Variants in CNTLN observed in about 807,000 individuals in gnomAD.
CNTLN encodes centlein.
CNTLN carries 212 observed loss-of-function variants against 180.0 expected under a neutral mutation model. The observed-to-expected ratio is 1.18, with a 90% CI of 1.05 to 1.32. The LOEUF (loss-of-function observed/expected upper bound fraction) is 1.32, where lower values mean the gene tolerates loss of function less well. Among genes scored for constraint, CNTLN ranks in the 40% most tolerant of loss-of-function variants. The pLI is 0.00. For missense variants in CNTLN, 2,095 were observed against 1,610.9 expected (o/e 1.30, Z -5.14); for synonymous variants, 722 against 563.1 (o/e 1.28, Z -3.99).
Position 17,369,899 on chromosome 9 carries a change from A to G in CNTLN, c.1987+3182A>G, listed in dbSNP as rs1046584234. On this transcript the variant is annotated intron_variant, in intron 13 of 25. Coordinates refer to ENST00000380647, the MANE Select transcript of CNTLN (RefSeq NM_017738.4). ...CTACTTGGGAGGCTGAGTCAGGGGA[A>G]TCGCTTGACCCCGGGAGGCGGAGGT... 3.3e-5 allele frequency among the ~76,000 whole-genome samples: 5 copies of G among 151,808 alleles called. No individual in the cohort carries two copies. In the South Asian group the frequency reaches 6.3e-4, roughly 19 times the overall value.
chr9:17,401,376 A>AT (rs200584503), intron 15 of CNTLN, among the ~76,000 whole-genome samples: 5,726 of 146,922 alleles, frequency 0.039, 163 homozygotes, highest in East Asian at 0.17. Flanking sequence ...CCATATAGAG[A>AT]TTTTTTTTTT....
At chr9:17,432,890 A>G (rs1423289707) in intron 18 of CNTLN, among the ~76,000 whole-genome samples, 1 of 151,858 alleles carries the variant, frequency 6.6e-6, no homozygotes, top group East Asian at 1.9e-4. Flanking sequence ...GCATGGTGGC[A>G]TGTGCCTGTA....
chr9:17,393,724 T>C (rs75561551), intron 14 of CNTLN, among the ~76,000 whole-genome samples: 5,113 of 152,228 alleles, frequency 0.034, 270 homozygotes, highest in African/African-American at 0.12. Flanking sequence ...ATAACACTTA[T>C]TATTAATAAG....
intron 6 of CNTLN, among the ~76,000 whole-genome samples, chr9:17,293,191 C>T (rs114157907): frequency 6.6e-6 from 1 of 152,242 alleles, no homozygotes; most frequent in Non-Finnish European, 1.5e-5. Context: ...CTGATGCCAA[C>T]AGGAATGCTC....
chr9:17,163,596 G>C (rs149712445), intron 2 of CNTLN, among the ~76,000 whole-genome samples: 6 of 152,296 alleles, frequency 3.9e-5, no homozygotes, highest in African/African-American at 1.4e-4. Flanking sequence ...TTTCCACAGT[G>C]CTTATTACAG....
chr9:17,207,633 C>T (rs927658303), intron 2 of CNTLN, among the ~76,000 whole-genome samples: 3 of 152,048 alleles, frequency 2.0e-5, no homozygotes, highest in African/African-American at 2.4e-5. Flanking sequence ...TGAAACGGTA[C>T]CCCACCCTGC....
chr9:17,207,995 T>C (rs1479050790), intron 2 of CNTLN, among the ~76,000 whole-genome samples: 1 of 152,178 alleles, frequency 6.6e-6, no homozygotes, highest in Non-Finnish European at 1.5e-5. Flanking sequence ...GGACTTCCAA[T>C]ACTATGTTGA....
At chr9:17,320,302 C>G (rs1819817682) in intron 8 of CNTLN, among the ~76,000 whole-genome samples, 1 of 152,050 alleles carries the variant, frequency 6.6e-6, no homozygotes, top group African/African-American at 2.4e-5. Context: ...TTTGCAACCT[C>G]TAGAAGAATA....
intron 2 of CNTLN, among the ~76,000 whole-genome samples, chr9:17,198,596 A>G (rs1368967957): frequency 7.9e-6 from 1 of 126,414 alleles, no homozygotes; most frequent in Non-Finnish European, 1.7e-5. Context: ...GGAATTTTGT[A>G]TGTTAATTTT....
rs192654703 is a variant in CNTLN at position 17,415,150 on chromosome 9, G to A, written c.2797-638G>A. On this transcript the variant is annotated intron_variant, in intron 16 of 25. Transcript: ENST00000380647. ...TACTAATATATACAATTTTAAATTGGTGAAACGTTTTGAAACCAAAAGTCA... is the reference window on the plus strand; with the variant it reads ...TACTAATATATACAATTTTAAATTGATGAAACGTTTTGAAACCAAAAGTCA... Among the ~76,000 whole-genome samples the A allele has an allele frequency of 6.6e-3, 999 of 151,916 alleles. 7 individuals carry two copies. Among genetic ancestry groups the A allele is most frequent in the Non-Finnish European group, 8.2e-3 (554 of 67,956 alleles).
At chr9:17,270,712 C>A (rs141735813) in intron 5 of CNTLN, among the ~76,000 whole-genome samples, 138 of 152,016 alleles carry the variant, frequency 9.1e-4, no homozygotes, top group African/African-American at 2.7e-3. Context: ...ACCTTTAGGA[C>A]CAGATAAGGT....
At chr9:17,179,192 C>T (rs576700313) in intron 2 of CNTLN, among the ~76,000 whole-genome samples, 5 of 137,408 alleles carry the variant, frequency 3.6e-5, no homozygotes, top group African/African-American at 5.9e-5. Flanking sequence ...TGCAGTGAGC[C>T]GAGATCCCGC....
intron 18 of CNTLN, among the ~76,000 whole-genome samples, chr9:17,430,873 G>A (rs1829375965): frequency 6.6e-6 from 1 of 152,074 alleles, no homozygotes; most frequent in South Asian, 2.1e-4. Context: ...TATTGGAAAT[G>A]ACAGGATTTT....
chr9:17,405,857 C>T (rs191011639), intron 15 of CNTLN, among the ~76,000 whole-genome samples: 1 of 151,600 alleles, frequency 6.6e-6, no homozygotes, highest in Non-Finnish European at 1.5e-5. Flanking sequence ...GGCGTGATCT[C>T]AGCTCACTGC....
chr9:17,512,586 C>T, the CNTLN span, among the ~76,000 whole-genome samples: 1 of 152,142 alleles, frequency 6.6e-6, no homozygotes, highest in Non-Finnish European at 1.5e-5. Context: ...GCAGCAAACC[C>T]CAGCGTTACA....
intron 8 of CNTLN, among the ~76,000 whole-genome samples, chr9:17,328,184 T>A (rs1411458360): frequency 6.6e-6 from 1 of 152,194 alleles, no homozygotes; most frequent in Non-Finnish European, 1.5e-5. Flanking sequence ...TCTTTCCATT[T>A]TAGCCTTCAG....
intron 18 of CNTLN, among the ~76,000 whole-genome samples, chr9:17,455,774 G>A (rs1014870050): frequency 6.7e-6 from 1 of 149,004 alleles, no homozygotes; most frequent in African/African-American, 2.5e-5. Flanking sequence ...TGGCAGGCAG[G>A]TTTGGGGAAT....
At chr9:17,270,093 T>G (rs1385574546) in intron 5 of CNTLN, among the ~76,000 whole-genome samples, 1 of 152,100 alleles carries the variant, frequency 6.6e-6, no homozygotes, top group Non-Finnish European at 1.5e-5. Flanking sequence ...TAAGAATGGT[T>G]TACTCTTTCT....
rs760147316 is a variant in CNTLN, at chr9:17,135,086, C to G, written c.21C>G (p.Pro7=). Residue 7 remains proline (P), a synonymous_variant, in exon 1 of 26, where the codon CCC becomes CCG. Coordinates refer to ENST00000380647, the MANE Select transcript of CNTLN (RefSeq NM_017738.4). ...CAGCCATGGCGGCGCGTTCGCCTCC[C>G]TCACCGCACCCTTCGCCCCCAGCGC... MAARSP[P]SPHPSPPARQ... The G allele has an allele frequency of 1.9e-6, 3 of 1,602,140 alleles. No homozygotes were observed. Among genetic ancestry groups the G allele is most frequent in the South Asian group, 1.1e-5 (1 of 89,688 alleles).
Sources: gnomAD v4.1 joint callset for allele counts (sites outside exome capture counted in the v4.1 genomes callset) on GRCh38, gnomAD v4.1.1 for gene constraint, MANE v1.5 for transcripts, NCBI Gene and HGNC (gene_info 2026-07-23, HGNC 2026-07-21) for gene names.